The following EVC variants were observed in gnomAD, a reference collection of about 807,000 sequenced individuals.
The protein encoded by EVC is EvC ciliary complex subunit 1, also known as evC complex member EVC.
In EVC, 116 loss-of-function variants were observed where a neutral mutation model predicts 118.9. The observed-to-expected ratio is 0.98, with a 90% CI of 0.84 to 1.14. The LOEUF is 1.14. Among genes scored for constraint, EVC ranks in the 50% most tolerant of loss-of-function variants. EVC has a pLI of 0.00. For missense variants in EVC, 1,401 were observed against 1,246.4 expected (o/e 1.12, Z -1.87); for synonymous variants, 619 against 534.7 (o/e 1.16, Z -2.18).
In EVC at chr4:5,711,549, C is replaced by T; in HGVS notation, c.169C>T (p.His57Tyr). 1 of 1,171,154 alleles carries T rather than the reference C, an allele frequency of 8.5e-7. No individual in the cohort carries two copies. The highest frequency in any genetic ancestry group is 3.8e-5 in the East Asian group (1 of 26,534). The allele number at this position is 1,171,154 out of a possible 1,614,324, so 72.5% of individuals were successfully genotyped here. A position where few individuals can be genotyped will look rare whatever the true frequency, so the allele number is the denominator to read the frequency against. ...CCGCGCGGGCCGCCAGCGCACGCGA[C>T]ACCAGGTGGGTCGGCCGAGCAGACA... ...GCRAGRQRTR[H>Y]QKDDTQNLLK... Residue 57 changes from histidine (H) to tyrosine (Y), a missense_variant, in exon 1 of 21, where the codon CAC becomes TAC. Physicochemically the swap from His to Tyr is moderately conservative, Grantham distance 83. Transcript: ENST00000264956.
intron 11 of EVC, among the ~76,000 whole-genome samples, chr4:5,769,178 T>C (rs1733536716): frequency 6.6e-6 from 1 of 152,074 alleles, no homozygotes; most frequent in Non-Finnish European, 1.5e-5. Context: ...CTCACAGTTA[T>C]GGCGGAAGGC....
chr4:5,828,001 G>C, the EVC span: 10 of 977,740 alleles, frequency 1.0e-5, no homozygotes, highest in Admixed American at 6.2e-5. Context: ...AACGTCAAGG[G>C]AGGAAGGAAA....
At chr4:5,727,442 G>C (rs1024661782) in intron 2 of EVC, among the ~76,000 whole-genome samples, 8 of 152,006 alleles carry the variant, frequency 5.3e-5, no homozygotes, top group Non-Finnish European at 8.8e-5. Context: ...TTGTAAATGT[G>C]TTTGAGTTCA....
Position 5,753,057 on chromosome 4 carries a change from G to A in EVC, c.1315+5G>A, listed in dbSNP as rs1419645323. 9 of 1,582,894 alleles carry A rather than the reference G, an allele frequency of 5.7e-6. No individual in the cohort carries two copies. Among genetic ancestry groups the A allele is most frequent in the Non-Finnish European group, 7.7e-6 (9 of 1,165,638 alleles). On this transcript the variant is annotated splice_donor_5th_base_variant and intron_variant, in intron 9 of 20. Coordinates refer to ENST00000264956, the MANE Select transcript of EVC (RefSeq NM_153717.3). ...AGGCAGAGCGCTTCAGCCGGGGTGA[G>A]CCGTGGGCATGGGTGCCGCCGTCCA...
intron 11 of EVC, among the ~76,000 whole-genome samples, chr4:5,778,276 G>C (rs954790606): frequency 1.3e-5 from 2 of 151,854 alleles, no homozygotes; most frequent in Non-Finnish European, 2.9e-5. Flanking sequence ...CTTTGCTATT[G>C]TGAATAGTGC....
At chr4:5,761,620 A>G (rs1220399922) in intron 11 of EVC, among the ~76,000 whole-genome samples, 2 of 152,010 alleles carry the variant, frequency 1.3e-5, no homozygotes, top group Non-Finnish European at 2.9e-5. Flanking sequence ...TTGAAGAAAA[A>G]GAGAACAGAG....
intron 11 of EVC, among the ~76,000 whole-genome samples, chr4:5,772,306 A>G (rs1281945449): frequency 6.6e-6 from 1 of 151,996 alleles, no homozygotes; most frequent in African/African-American, 2.4e-5. Context: ...CCTTTTGGTA[A>G]TTTTCACAAC....
chr4:5,797,226 GGCCCTGGTAAGACCAGCATGGT>G lies in EVC; in HGVS notation c.2093_2097+17del. The G allele has an allele frequency of 6.2e-7, 1 of 1,607,288 alleles. No individual in the cohort carries two copies. Among genetic ancestry groups the G allele is most frequent in the East Asian group, 2.2e-5 (1 of 44,550 alleles). Reference sequence around the variant, plus strand: ...ACGAGCATCAGTGGCAGCTGCTCAGGGCCCTGGTAAGACCAGCATGGTGGCCCCACCCATTCCAGACAGGCGG... The same window carrying G: ...ACGAGCATCAGTGGCAGCTGCTCAGGGGCCCCACCCATTCCAGACAGGCGG... On this transcript the variant is annotated splice_donor_variant and splice_donor_5th_base_variant and coding_sequence_variant and intron_variant, in exon 14 of 21. Coordinates refer to ENST00000264956, the MANE Select transcript of EVC (RefSeq NM_153717.3). LOFTEE classifies it high-confidence loss of function.
At chr4:5,765,209 G>T (rs1352715022) in intron 11 of EVC, among the ~76,000 whole-genome samples, 1 of 117,054 alleles carries the variant, frequency 8.5e-6, no homozygotes, top group Non-Finnish European at 1.8e-5. Flanking sequence ...GTAGTTGAGC[G>T]GTTTTGAGTG....
chr4:5,772,668 C>A (rs2152226296), intron 11 of EVC, among the ~76,000 whole-genome samples: 1 of 152,226 alleles, frequency 6.6e-6, no homozygotes, highest in East Asian at 1.9e-4. Context: ...CGCTTCCACC[C>A]AAGCTGGCCC....
chr4:5,825,090 G>A, the EVC span: 1 of 985,250 alleles, frequency 1.0e-6, no homozygotes, highest in Non-Finnish European at 1.2e-6. This position sits in a 1 kb window ranked among gnomAD's most constrained non-coding sequence, Gnocchi z 4.4. Flanking sequence ...ACACTGCAGT[G>A]GGTGAACAGG....
At chr4:5,794,271 ATATATATTTATATATATTTT>A (rs1713382774) in intron 13 of EVC, among the ~76,000 whole-genome samples, 1 of 111,484 alleles carries the variant, frequency 9.0e-6, no homozygotes, top group Non-Finnish European at 2.0e-5. Context: ...TTATATATTT[ATATATATTTATATATATTTT>A]TATATATTTA....
chr4:5,822,006 C>T, the EVC span, among the ~76,000 whole-genome samples: 1 of 124,028 alleles, frequency 8.1e-6, no homozygotes, highest in Non-Finnish European at 1.7e-5. Flanking sequence ...CTGGCCTCCA[C>T]AGAGTCCACT....
intron 1 of EVC, among the ~76,000 whole-genome samples, chr4:5,713,717 A>G (rs1723453171): frequency 1.3e-5 from 2 of 148,750 alleles, no homozygotes; most frequent in African/African-American, 2.5e-5. Context: ...CAGCCTGACC[A>G]ACATAGAGAA....
chr4:5,808,987 G>T (rs1159784573), intron 18 of EVC, among the ~76,000 whole-genome samples: 1 of 152,204 alleles, frequency 6.6e-6, no homozygotes, highest in Non-Finnish European at 1.5e-5. Flanking sequence ...GGTACTTATT[G>T]AGGGTCTATG....
intron 16 of EVC, among the ~76,000 whole-genome samples, chr4:5,803,715 TC>T (rs1024921151): frequency 3.9e-5 from 6 of 152,198 alleles, no homozygotes; most frequent in African/African-American, 1.4e-4. Flanking sequence ...ACATGCTATG[TC>T]CCCAGAGGCT....
At chr4:5,780,054 G>T (rs1207009542) in intron 11 of EVC, among the ~76,000 whole-genome samples, 1 of 152,118 alleles carries the variant, frequency 6.6e-6, no homozygotes, top group Non-Finnish European at 1.5e-5. Context: ...AGCATGAAGG[G>T]TTGTTGAATT....
chr4:5,808,864 A>C (rs893461770), intron 18 of EVC, among the ~76,000 whole-genome samples: 1 of 152,214 alleles, frequency 6.6e-6, no homozygotes, highest in Admixed American at 6.5e-5. Flanking sequence ...TAAAAAAATC[A>C]AATCTTCCAG....
chr4:5,779,890 T>C (rs1735315349), intron 11 of EVC, among the ~76,000 whole-genome samples: 1 of 144,968 alleles, frequency 6.9e-6, no homozygotes, highest in Non-Finnish European at 1.5e-5. Context: ...TGAATAGGAG[T>C]GGTGAGAGAG....
Sources: allele counts gnomAD v4.1 joint callset (sites outside exome capture counted in the v4.1 genomes callset), GRCh38; gene constraint gnomAD v4.1.1; non-coding constraint Gnocchi (gnomAD v3.1); transcripts MANE v1.5; gene names NCBI Gene and HGNC (gene_info 2026-07-23, HGNC 2026-07-21).